The following OR1A1 variants were observed in gnomAD, a reference collection of about 807,000 sequenced individuals.
OR1A1 encodes the protein olfactory receptor 1A1.
For synonymous variants in OR1A1, 145 were observed against 147.8 expected (o/e 0.98, Z 0.13); for missense variants, 391 against 379.9 (o/e 1.03, Z -0.24).
chr17:3,216,567 C>T lies in OR1A1; in HGVS notation c.*17C>T. 2 of 1,584,848 alleles carry T rather than the reference C, an allele frequency of 1.3e-6. No individual in the cohort carries two copies. The highest frequency in any genetic ancestry group is 8.6e-7 in the Non-Finnish European group (1 of 1,159,878). On this transcript the variant is annotated 3_prime_UTR_variant, in exon 4 of 4. Transcript: ENST00000641732. ...TCCTCGTAACCAATGTGAGGGCCTA[C>T]ATTGGATACCGTAGTCACCAGTTAC...
In OR1A1 at chr17:3,218,877, C is replaced by A. The variant is rs2048483901; in HGVS notation, c.*2327C>A. 1 of 151,886 alleles carries A rather than the reference C, an allele frequency of 6.6e-6. No homozygotes were observed. The allele number at this position is 151,886 out of a possible 1,614,324, so 9.4% of individuals were successfully genotyped here. On this transcript the variant is annotated 3_prime_UTR_variant, in exon 4 of 4. Transcript: ENST00000641732. ...GGCACGTGTATACCTATGTAACAAA[C>A]CTGCATGTTCTGCACATGTACCCCA...
At chr17:3,215,589 A>T (rs756518635) in intron 3 of OR1A1, 27 bp from the exon 4 acceptor site, 2 of 1,494,386 alleles carry the variant, frequency 1.3e-6, no homozygotes, top group South Asian at 2.3e-5. Flanking sequence ...TAATATAATG[A>T]TATTCCTCTC....
At position 3,218,045 on chromosome 17, in the gene OR1A1, T is replaced by G. The variant is rs1226658725; in HGVS notation, c.*1495T>G. 1 of 151,880 alleles carries G rather than the reference T, an allele frequency of 6.6e-6. No homozygotes were observed. Among genetic ancestry groups the G allele is most frequent in the Non-Finnish European group, 1.5e-5 (1 of 68,014 alleles). The allele number at this position is 151,880 out of a possible 1,614,324, so 9.4% of individuals were successfully genotyped here. A position where few individuals can be genotyped will look rare whatever the true frequency, so the allele number is the denominator to read the frequency against. On this transcript the variant is annotated 3_prime_UTR_variant, in exon 4 of 4. Transcript: ENST00000641732. ...CTATCCATCTGACAAAGGGCTAATA[T>G]CTAGAATCTACAAAGAACTTAAATT...
chr17:3,214,027 A>T (rs1427505369), intron 3 of OR1A1: 1 of 152,230 alleles, frequency 6.6e-6, no homozygotes, highest in Non-Finnish European at 1.5e-5. Context: ...TGGGACATTT[A>T]GTAGAAAGGC....
chr17:3,213,549 T>C (rs1313480758), intron 3 of OR1A1: 1 of 152,222 alleles, frequency 6.6e-6, no homozygotes, highest in Non-Finnish European at 1.5e-5. Flanking sequence ...CTGTCACAAG[T>C]TGATCACAAA....
At chr17:3,211,042 A>G (rs1339560676) in intron 2 of OR1A1, among the ~76,000 whole-genome samples, 1 of 152,096 alleles carries the variant, frequency 6.6e-6, no homozygotes, top group African/African-American at 2.4e-5. Context: ...ATTTTTCTGT[A>G]TAACTTCTCA....
chr17:3,208,361 GTA>G lies in OR1A1; in HGVS notation c.-556-219_-556-218del, dbSNP rs1263935685. 7.2e-5 allele frequency among the ~76,000 whole-genome samples: 11 copies of G among 152,270 alleles called. No individual in the cohort carries two copies. In the East Asian group the frequency reaches 1.7e-3, roughly 24 times the overall value. ...AGTGTGTGTGTGCATGTGTGTGTGT[GTA>G]AGAGAGAGCGAGAGCACCTGCCAAA... is the stretch of plus-strand genomic sequence containing the variant. On this transcript the variant is annotated intron_variant, in intron 1 of 3. Transcript: ENST00000641732.
intron 3 of OR1A1, chr17:3,213,986 C>A (rs764125979): frequency 6.6e-6 from 1 of 152,090 alleles, no homozygotes; most frequent in East Asian, 1.9e-4. Context: ...TACAATACTT[C>A]AGGGAGAAAA....
intron 2 of OR1A1, among the ~76,000 whole-genome samples, chr17:3,211,136 C>T (rs1422110219): frequency 6.6e-6 from 1 of 152,202 alleles, no homozygotes; most frequent in Non-Finnish European, 1.5e-5. Context: ...TCATGTCACA[C>T]ACCACTTTCT....
At chr17:3,214,737 A>G (rs1365040616) in intron 3 of OR1A1, 1 of 152,140 alleles carries the variant, frequency 6.6e-6, no homozygotes, top group Non-Finnish European at 1.5e-5. Flanking sequence ...TTTACTAAGC[A>G]ATGGTTGAAG....
chr17:3,210,454 A>G (rs1355313863), intron 2 of OR1A1, among the ~76,000 whole-genome samples: 3 of 152,202 alleles, frequency 2.0e-5, no homozygotes, highest in Non-Finnish European at 4.4e-5. Flanking sequence ...TTTACACTTT[A>G]CACACTCCAA....
intron 2 of OR1A1, among the ~76,000 whole-genome samples, chr17:3,210,161 CAT>C (rs35451828): frequency 0.33 from 37,509 of 115,390 alleles, 5,384 homozygotes; most frequent in East Asian, 0.58. Flanking sequence ...TTTTCTTTTC[CAT>C]TTTTTTTTTT....
chr17:3,216,336 C>T lies in OR1A1; in HGVS notation c.716C>T (p.Thr239Ile). Residue 239 changes from threonine (T) to isoleucine (I), a missense_variant, in exon 4 of 4, where the codon ACC becomes ATC. Transcript: ENST00000641732. ...AAGGGCGTGCTCAAGGCCTTCTCCA[C>T]CTGTGGTTCCCACCTCACGGTTGTC... ...STKGVLKAFS[T>I]CGSHLTVVSL... The T allele has an allele frequency of 6.2e-7, 1 of 1,614,212 alleles. No individual in the cohort carries two copies. Among genetic ancestry groups the T allele is most frequent in the Non-Finnish European group, 8.5e-7 (1 of 1,180,024 alleles).
chr17:3,216,369 A>G lies in OR1A1; in HGVS notation c.749A>G (p.Tyr250Cys), dbSNP rs759521430. 2 of 1,614,138 alleles carry G rather than the reference A, an allele frequency of 1.2e-6. No individual in the cohort carries two copies. The highest frequency in any genetic ancestry group is 2.2e-5 in the East Asian group (1 of 44,880). ...TCCCACCTCACGGTTGTCTCTTTGT[A>G]TTATGGTACAGTCATGGGCACGTAT... ...CGSHLTVVSL[Y>C]YGTVMGTYFR... The change falls in exon 4 of 4, where the codon TAT (tyrosine) becomes TGT (cysteine). Residue 250 changes from tyrosine to cysteine, a missense_variant. Physicochemically the swap from Tyr to Cys is radical, Grantham distance 194. Transcript: ENST00000641732.
chr17:3,213,129 G>GA (rs1203187367), intron 3 of OR1A1: 1 of 152,142 alleles, frequency 6.6e-6, no homozygotes, highest in African/African-American at 2.4e-5. Context: ...AAGGAAGATG[G>GA]AGCCTCCATG....
chr17:3,212,404 G>A (rs2048446870), intron 2 of OR1A1, 63 bp from the exon 3 acceptor site: 1 of 151,528 alleles, frequency 6.6e-6, no homozygotes. Flanking sequence ...GTATGGTTAT[G>A]TGTTTTGGGT....
chr17:3,211,681 G>T (rs2048442606), intron 2 of OR1A1, among the ~76,000 whole-genome samples: 1 of 152,270 alleles, frequency 6.6e-6, no homozygotes. Context: ...ATGTTTAAAA[G>T]AAACTTGTAT....
chr17:3,216,772 G>A lies in OR1A1; in HGVS notation c.*222G>A, dbSNP rs1450768522. The A allele has an allele frequency of 4.0e-6, 2 of 493,906 alleles. No individual in the cohort carries two copies. Among genetic ancestry groups the A allele is most frequent in the Admixed American group, 3.5e-5 (1 of 28,292 alleles). The allele number at this position is 493,906 out of a possible 1,614,324, so 30.6% of individuals were successfully genotyped here. ...CTTTTTGGCAGAGTGGCAGCACAGG[G>A]ATATAGGGCATATGTCCTGATGAGC... On this transcript the variant is annotated 3_prime_UTR_variant, in exon 4 of 4. Coordinates refer to ENST00000641732, the MANE Select transcript of OR1A1 (RefSeq NM_014565.3).
Position 3,215,897 on chromosome 17 carries a change from T to C in OR1A1, c.277T>C (p.Ser93Pro). ...CCATCTCTTGGGCAGCAAATCCATCTCTTTTGGGGGATGCCTAACGCAGAT... is the reference window on the plus strand; with the variant it reads ...CCATCTCTTGGGCAGCAAATCCATCCCTTTTGGGGGATGCCTAACGCAGAT... Reference protein sequence around the residue: ...ANHLLGSKSISFGGCLTQMYF... With the variant: ...ANHLLGSKSIPFGGCLTQMYF... The change falls in exon 4 of 4, where the codon TCT becomes CCT. Residue 93 changes from serine (S) to proline (P), a missense_variant. Coordinates refer to ENST00000641732, the MANE Select transcript of OR1A1 (RefSeq NM_014565.3). The C allele has an allele frequency of 6.2e-7, 1 of 1,614,148 alleles. No individual in the cohort carries two copies. Among genetic ancestry groups the C allele is most frequent in the Non-Finnish European group, 8.5e-7 (1 of 1,180,032 alleles).
Sources: gnomAD v4.1 joint callset for allele counts (sites outside exome capture counted in the v4.1 genomes callset) on GRCh38, gnomAD v4.1.1 for gene constraint, MANE v1.5 for transcripts, NCBI Gene and HGNC (gene_info 2026-07-23, HGNC 2026-07-21) for gene names.